EBLN2: variants seen among roughly 807,000 people sequenced by gnomAD.
The protein encoded by EBLN2 is endogenous Bornavirus-like nucleoprotein 2.
For missense variants in EBLN2, 397 were observed against 324.2 expected (o/e 1.22, Z -1.72); for synonymous variants, 131 against 113.6 (o/e 1.15, Z -0.97).
chr3:73,063,002 C>T lies in EBLN2; in HGVS notation c.*102C>T. 9.4e-7 allele frequency: 1 copy of T among 1,058,896 alleles called. No homozygotes were observed. Among genetic ancestry groups the T allele is most frequent in the Non-Finnish European group, 1.4e-6 (1 of 713,676 alleles). 65.6% of individuals were successfully genotyped at this position (1,058,896 alleles called of 1,614,324 possible). ...CTCTACGGGCCATTGTGTCTGAGATCCCAGTCTTTGAGGAGAAAAAAAACA... is the reference window on the plus strand; with the variant it reads ...CTCTACGGGCCATTGTGTCTGAGATTCCAGTCTTTGAGGAGAAAAAAAACA... On this transcript the variant is annotated 3_prime_UTR_variant, in exon 1 of 1. Coordinates refer to ENST00000533473, the MANE Select transcript of EBLN2 (RefSeq NM_018029.4).
At position 73,062,458 on chromosome 3, in the gene EBLN2, T is replaced by C. The variant is rs747317767; in HGVS notation, c.377T>C (p.Leu126Ser). The C allele has an allele frequency of 6.2e-7, 1 of 1,612,644 alleles. No homozygotes were observed. The highest frequency in any genetic ancestry group is 2.2e-5 in the East Asian group (1 of 44,876). ...CATTTCCACCCTGTGACCCCAAGTT[T>C]AGTATTCTTGTGTTTCATATTTGAT... Reference protein sequence around the residue: ...KSHFHPVTPSLVFLCFIFDGL... With the variant: ...KSHFHPVTPSSVFLCFIFDGL... Residue 126 changes from leucine to serine, a missense_variant, in exon 1 of 1, where the codon TTA becomes TCA. By Grantham distance (145) the Leu-to-Ser change is moderately radical. Coordinates refer to ENST00000533473, the MANE Select transcript of EBLN2 (RefSeq NM_018029.4).
Position 73,062,781 on chromosome 3 carries a change from T to A in EBLN2, c.700T>A (p.Cys234Ser). The part of the protein sequence containing the change: ...HGESADLLIS[C>S]NAESAIGWIS... ...TGAGAGTGCTGATCTGCTAATCAGC[T>A]GCAATGCAGAATCAGCCATAGGTTG... Residue 234 changes from cysteine (C) to serine (S), a missense_variant, in exon 1 of 1, where the codon TGC (cysteine) becomes AGC (serine). By Grantham distance (112) the Cys-to-Ser change is moderately radical (BLOSUM62 -1). Coordinates refer to ENST00000533473, the MANE Select transcript of EBLN2 (RefSeq NM_018029.4). 6.2e-7 allele frequency: 1 copy of A among 1,613,940 alleles called. No individual in the cohort carries two copies. The highest frequency in any genetic ancestry group is 1.1e-5 in the South Asian group (1 of 91,086).
Position 73,062,215 on chromosome 3 carries a change from T to A in EBLN2, c.134T>A (p.Phe45Tyr). The change falls in exon 1 of 1, where the codon TTT becomes TAT. Residue 45 changes from phenylalanine (F) to tyrosine (Y), a missense_variant. Physicochemically the swap from Phe to Tyr is conservative, Grantham distance 22. Transcript: ENST00000533473. ...ATTAAAGAATTAAGTCGGAACCAAT[T>A]TTCCACAATGTCTCATCTAAGAAAG... ...NKIKELSRNQ[F>Y]STMSHLRKDS... is the part of the protein sequence containing the mutation. 2.5e-6 allele frequency: 4 copies of A among 1,591,684 alleles called. No individual in the cohort carries two copies. The highest frequency in any genetic ancestry group is 3.4e-6 in the Non-Finnish European group (4 of 1,172,294).
chr3:73,062,496 G>T lies in EBLN2; in HGVS notation c.415G>T (p.Ala139Ser), dbSNP rs755965303. 3.7e-6 allele frequency: 6 copies of T among 1,613,492 alleles called. No homozygotes were observed. The highest frequency in any genetic ancestry group is 5.1e-6 in the Non-Finnish European group (6 of 1,179,704). Residue 139 changes from alanine (A) to serine (S), a missense_variant, in exon 1 of 1, where the codon GCA becomes TCA. By Grantham distance (99) the Ala-to-Ser change is moderately conservative. Transcript: ENST00000533473. ...LCFIFDGLHQ[A>S]LLSVGVSKRS... Reference sequence around the variant, plus strand: ...TTTCATATTTGATGGGTTACACCAGGCATTACTGAGTGTTGGTGTGAGCAA... The same window carrying T: ...TTTCATATTTGATGGGTTACACCAGTCATTACTGAGTGTTGGTGTGAGCAA...
At position 73,063,239 on chromosome 3, in the gene EBLN2, C is replaced by T; in HGVS notation, c.*339C>T. The T allele has an allele frequency of 1.2e-5, 4 of 321,048 alleles. No individual in the cohort carries two copies. The highest frequency in any genetic ancestry group is 1.1e-4 in the South Asian group (3 of 26,500). 19.9% of individuals were successfully genotyped at this position (321,048 alleles called of 1,614,324 possible). On this transcript the variant is annotated 3_prime_UTR_variant, in exon 1 of 1. Coordinates refer to ENST00000533473, the MANE Select transcript of EBLN2 (RefSeq NM_018029.4). ...CTCCCTTTGCTTCAAATGGCATCTA[C>T]CCCGTAAGATCTTGAGGGGGGAGTG...
Position 73,062,717 on chromosome 3 carries a change from C to G in EBLN2, c.636C>G (p.Phe212Leu), listed in dbSNP as rs369107972. The G allele has an allele frequency of 1.9e-5, 31 of 1,613,972 alleles. No individual in the cohort carries two copies. Among genetic ancestry groups the G allele is most frequent in the Non-Finnish European group, 2.5e-5 (29 of 1,179,874 alleles). Reference protein sequence around the residue: ...CTSSLQVQRRFKAMMASIGRL... With the variant: ...CTSSLQVQRRLKAMMASIGRL... ...GCAGTCTCCAAGTTCAGAGACGATT[C>G]AAGGCAATGATGGCATCTATTGGAA... Residue 212 changes from phenylalanine to leucine, a missense_variant, in exon 1 of 1, where the codon TTC (phenylalanine) becomes TTG (leucine). Coordinates refer to ENST00000533473, the MANE Select transcript of EBLN2 (RefSeq NM_018029.4).
chr3:73,062,102 G>GT, the EBLN2 span: 30 of 1,542,588 alleles, frequency 1.9e-5, no homozygotes, highest in South Asian at 3.6e-4. Context: ...TTCTTAAATT[G>GT]TATGCTTATG....
rs2231921 is a variant in EBLN2 at position 73,061,807 on chromosome 3, C to T, written c.-275C>T. 2,846 of 350,566 alleles carry T rather than the reference C, an allele frequency of 8.1e-3. 11 individuals carry two copies. Among genetic ancestry groups the T allele is most frequent in the Non-Finnish European group, 0.011 (2,140 of 190,954 alleles). 21.7% of individuals were successfully genotyped at this position (350,566 alleles called of 1,614,324 possible). Reference sequence around the variant, plus strand: ...TGCAGCCTTAAACTCTAGTGATCCTCCCGCCTTGGCCTTCCAAAGTGCTGA... The same window carrying T: ...TGCAGCCTTAAACTCTAGTGATCCTTCCGCCTTGGCCTTCCAAAGTGCTGA... On this transcript the variant is annotated 5_prime_UTR_variant, in exon 1 of 1. Coordinates refer to ENST00000533473, the MANE Select transcript of EBLN2 (RefSeq NM_018029.4).
Position 73,063,324 on chromosome 3 carries a change from A to AAAC in EBLN2, c.*426_*427insCAA, listed in dbSNP as rs1475799254. On this transcript the variant is annotated 3_prime_UTR_variant, in exon 1 of 1. Coordinates refer to ENST00000533473, the MANE Select transcript of EBLN2 (RefSeq NM_018029.4). ...TGAACTAATTCTCATTATTTAAAAAAAAAAAAAAAAAAAAAAGTCCAGGTG... is the reference window on the plus strand; with the variant it reads ...TGAACTAATTCTCATTATTTAAAAAAAACAAAAAAAAAAAAAAAAGTCCAGGTG... 5.7e-6 allele frequency: 1 copy of AAAC among 175,738 alleles called. No individual in the cohort carries two copies. Among genetic ancestry groups the AAAC allele is most frequent in the Non-Finnish European group, 1.2e-5 (1 of 86,414 alleles). 10.9% of individuals were successfully genotyped at this position (175,738 alleles called of 1,614,324 possible).
In EBLN2 at chr3:73,062,496, G is replaced by A. The variant is rs755965303; in HGVS notation, c.415G>A (p.Ala139Thr). 1.9e-6 allele frequency: 3 copies of A among 1,613,492 alleles called. No homozygotes were observed. The African/African-American group carries it at 4.0e-5, about 22-fold the overall frequency. Residue 139 changes from alanine to threonine, a missense_variant, in exon 1 of 1, where the codon GCA (alanine) becomes ACA (threonine). Transcript: ENST00000533473. The stretch of plus-strand genomic sequence containing the variant: ...TTTCATATTTGATGGGTTACACCAG[G>A]CATTACTGAGTGTTGGTGTGAGCAA... Reference protein sequence around the residue: ...LCFIFDGLHQALLSVGVSKRS... With the variant: ...LCFIFDGLHQTLLSVGVSKRS...
At position 73,061,935 on chromosome 3, in the gene EBLN2, A is replaced by G; in HGVS notation, c.-147A>G. 1.6e-6 allele frequency: 1 copy of G among 608,176 alleles called. No homozygotes were observed. The highest frequency in any genetic ancestry group is 3.0e-5 in the East Asian group (1 of 33,350). The allele number at this position is 608,176 out of a possible 1,614,324, so 37.7% of individuals were successfully genotyped here. A position where few individuals can be genotyped will look rare whatever the true frequency, so the allele number is the denominator to read the frequency against. On this transcript the variant is annotated 5_prime_UTR_variant, in exon 1 of 1. It adds an upstream start codon to the 5' untranslated region. Coordinates refer to ENST00000533473, the MANE Select transcript of EBLN2 (RefSeq NM_018029.4). ...AAATAAGATACTAAAATAATCCCAT[A>G]CTATATTTCTTGACAGAAAAACTAT...
At position 73,062,287 on chromosome 3, in the gene EBLN2, G is replaced by C. The variant is rs375948244; in HGVS notation, c.206G>C (p.Gly69Ala). The stretch of plus-strand genomic sequence containing the variant: ...GGAGATGACGCAATGGACAGGAGTG[G>C]GCTCCCTGACCTTCAAGGAAGATTT... ...SPGDDAMDRS[G>A]LPDLQGRFEL... The change falls in exon 1 of 1, where the codon GGG becomes GCG. Residue 69 changes from glycine to alanine, a missense_variant. Gly to Ala is a moderately conservative substitution (Grantham distance 60). Transcript: ENST00000533473. 1.9e-6 allele frequency: 3 copies of C among 1,607,762 alleles called. No individual in the cohort carries two copies. The African/African-American group carries it at 4.0e-5, about 22-fold the overall frequency.
Position 73,062,178 on chromosome 3 carries a change from A to T in EBLN2, c.97A>T (p.Ile33Phe). The T allele has an allele frequency of 6.4e-7, 1 of 1,556,592 alleles. No homozygotes were observed. The highest frequency in any genetic ancestry group is 8.7e-7 in the Non-Finnish European group (1 of 1,154,684). The part of the protein sequence containing the change: ...RSYKRSFRPM[I>F]LNKIKELSRN... ...TTACAAAAGATCTTTTAGACCTATG[A>T]TTCTTAACAAAATTAAAGAATTAAG... The change falls in exon 1 of 1, where the codon ATT becomes TTT. Residue 33 changes from isoleucine to phenylalanine, a missense_variant. Ile to Phe is a conservative substitution (Grantham distance 21). Coordinates refer to ENST00000533473, the MANE Select transcript of EBLN2 (RefSeq NM_018029.4).
Position 73,062,630 on chromosome 3 carries a change from C to T in EBLN2, c.549C>T (p.Leu183=). 6.2e-7 allele frequency: 1 copy of T among 1,613,988 alleles called. No individual in the cohort carries two copies. The change falls in exon 1 of 1, where the codon CTC becomes CTT. Residue 183 remains leucine (L), a synonymous_variant. Coordinates refer to ENST00000533473, the MANE Select transcript of EBLN2 (RefSeq NM_018029.4). ...NFIALEKSSV[L]RHCCDLLIGI... ...TTGCCCTTGAGAAGTCATCAGTTCT[C>T]CGCCACTGCTGTGACCTTTTGATAG...
At position 73,062,142 on chromosome 3, in the gene EBLN2, T is replaced by G; in HGVS notation, c.61T>G (p.Cys21Gly). The G allele has an allele frequency of 1.3e-6, 2 of 1,548,072 alleles. No homozygotes were observed. The highest frequency in any genetic ancestry group is 1.7e-6 in the Non-Finnish European group (2 of 1,147,968). Residue 21 changes from cysteine (C) to glycine (G), a missense_variant, in exon 1 of 1, where the codon TGT (cysteine) becomes GGT (glycine). Coordinates refer to ENST00000533473, the MANE Select transcript of EBLN2 (RefSeq NM_018029.4). ...VNSHSLFVWV[C>G]DRSYKRSFRP... is the part of the protein sequence containing the mutation. ...TTCTCACAGTCTTTTTGTTTGGGTC[T>G]GTGACAGATCTTACAAAAGATCTTT...
chr3:73,062,030 G>T lies in EBLN2; in HGVS notation c.-52G>T, dbSNP rs1702870210. 1 of 1,316,934 alleles carries T rather than the reference G, an allele frequency of 7.6e-7. No homozygotes were observed. The highest frequency in any genetic ancestry group is 2.9e-5 in the Admixed American group (1 of 34,810). The allele number at this position is 1,316,934 out of a possible 1,614,324, so 81.6% of individuals were successfully genotyped here. ...GTTTTGTTTTGCTCATGAACGTGAG[G>T]TATTTTGGAAAAATGGTAAAGAAGT... On this transcript the variant is annotated 5_prime_UTR_variant, in exon 1 of 1. Transcript: ENST00000533473.
Position 73,062,188 on chromosome 3 carries a change from A to C in EBLN2, c.107A>C (p.Lys36Thr). 5 of 1,564,968 alleles carry C rather than the reference A, an allele frequency of 3.2e-6. No individual in the cohort carries two copies. The highest frequency in any genetic ancestry group is 4.3e-6 in the Non-Finnish European group (5 of 1,159,428). ...TCTTTTAGACCTATGATTCTTAACA[A>C]AATTAAAGAATTAAGTCGGAACCAA... ...KRSFRPMILN[K>T]IKELSRNQFS... Residue 36 changes from lysine to threonine, a missense_variant, in exon 1 of 1, where the codon AAA becomes ACA. By Grantham distance (78) the Lys-to-Thr change is moderately conservative. Transcript: ENST00000533473.
Position 73,062,820 on chromosome 3 carries a change from C to A in EBLN2, c.739C>A (p.Pro247Thr), listed in dbSNP as rs766687149. ...AGCCATAGGTTGGATCAGCTCAAGA[C>A]CATGGGTTGGAGAATTAATGTTCAC... The part of the protein sequence containing the change: ...ESAIGWISSR[P>T]WVGELMFTLL... The change falls in exon 1 of 1, where the codon CCA becomes ACA. Residue 247 changes from proline (P) to threonine (T), a missense_variant. Physicochemically the swap from Pro to Thr is conservative, Grantham distance 38. Transcript: ENST00000533473. 6 of 1,613,792 alleles carry A rather than the reference C, an allele frequency of 3.7e-6. No individual in the cohort carries two copies. The highest frequency in any genetic ancestry group is 1.3e-5 in the African/African-American group (1 of 74,898).
Position 73,063,214 on chromosome 3 carries a change from C to T in EBLN2, c.*314C>T, listed in dbSNP as rs1198345402. 2 of 369,358 alleles carry T rather than the reference C, an allele frequency of 5.4e-6. No individual in the cohort carries two copies. The highest frequency in any genetic ancestry group is 4.4e-5 in the African/African-American group (2 of 45,426). 22.9% of individuals were successfully genotyped at this position (369,358 alleles called of 1,614,324 possible). A position where few individuals can be genotyped will look rare whatever the true frequency, so the allele number is the denominator to read the frequency against. On this transcript the variant is annotated 3_prime_UTR_variant, in exon 1 of 1. Coordinates refer to ENST00000533473, the MANE Select transcript of EBLN2 (RefSeq NM_018029.4). ...TGTTATACCAGGATCAACCATCACA[C>T]TCCCTTTGCTTCAAATGGCATCTAC... is the stretch of plus-strand genomic sequence containing the variant.
Sources: allele counts gnomAD v4.1 joint callset, GRCh38; gene constraint gnomAD v4.1.1; transcripts MANE v1.5; gene names NCBI Gene and HGNC (gene_info 2026-07-23, HGNC 2026-07-21).